SLC13A5: variants seen among roughly 807,000 people sequenced by gnomAD.
The protein encoded by SLC13A5 is solute carrier family 13 member 5.
In SLC13A5, 25 loss-of-function variants were observed where a neutral mutation model predicts 56.5. The observed-to-expected ratio is 0.44, with a 90% CI of 0.32 to 0.62. The LOEUF is 0.62. Among genes scored for constraint, SLC13A5 ranks in the 20% least tolerant of loss-of-function variants. The probability of loss-of-function intolerance (pLI) is 0.04; values close to 1 mark genes in which losing one functional copy is unlikely to be tolerated. For missense variants in SLC13A5, 649 were observed against 737.8 expected, an observed-to-expected ratio of 0.88 and a Z score of 1.39; for synonymous variants, 307 against 301.5, an observed-to-expected ratio of 1.02 and a Z score of -0.19.
At position 6,707,087 on chromosome 17, in the gene SLC13A5, C is replaced by T; in HGVS notation, c.172G>A (p.Val58Ile). 1 of 1,614,144 alleles carries T rather than the reference C, an allele frequency of 6.2e-7. No individual in the cohort carries two copies. The highest frequency in any genetic ancestry group is 8.5e-7 in the Non-Finnish European group (1 of 1,180,034). ...YWCTEVIPLA[V>I]TSLMPVLLFP... ...AGCAAGACAGGCATGAGAGAGGTGA[C>T]AGCCAGAGGGATGACTTCTGTGCAC... The change falls in exon 2 of 12, where the codon GTC becomes ATC. Residue 58 changes from valine (V) to isoleucine (I), a missense_variant. Physicochemically the swap from Val to Ile is conservative, Grantham distance 29. Coordinates refer to ENST00000433363, the MANE Select transcript of SLC13A5 (RefSeq NM_177550.5).
intron 5 of SLC13A5, among the ~76,000 whole-genome samples, chr17:6,702,190 GATGGC>G (rs1973732904): frequency 6.6e-6 from 1 of 152,110 alleles, no homozygotes; most frequent in South Asian, 2.1e-4. Flanking sequence ...GTCTGCAAAG[GATGGC>G]ATCACCTTAT....
chr17:6,702,799 G>T (rs1264766925), intron 5 of SLC13A5, among the ~76,000 whole-genome samples, 171 bp downstream of exon 5: 1 of 152,154 alleles, frequency 6.6e-6, no homozygotes, highest in Admixed American at 6.5e-5. Flanking sequence ...GGGGTGCCAG[G>T]ACACAGAGGC....
intron 11 of SLC13A5, 123 bp from the exon 12 acceptor site, chr17:6,686,461 G>A (rs1013076018): frequency 1.4e-5 from 18 of 1,291,694 alleles, no homozygotes; most frequent in South Asian, 1.4e-5. Context: ...CCTGGCTGGG[G>A]TGTCCCGACC....
chr17:6,686,283 A>G lies in SLC13A5; in HGVS notation c.1631T>C (p.Val544Ala), dbSNP rs763183073. The G allele has an allele frequency of 4.3e-6, 7 of 1,614,108 alleles. No individual in the cohort carries two copies. In the South Asian group the frequency reaches 6.6e-5, roughly 15 times the overall value. ...AAATATGGCCCGTCCCCAGGTGTTG[A>G]CAGCCAAAAACACACAGAAGACTCC... The part of the protein sequence containing the change: ...IIGVFCVFLA[V>A]NTWGRAIFDL... Residue 544 changes from valine to alanine, a missense_variant, in exon 12 of 12, where the codon GTC (valine) becomes GCC (alanine). Coordinates refer to ENST00000433363, the MANE Select transcript of SLC13A5 (RefSeq NM_177550.5).
In SLC13A5 at chr17:6,703,990, C is replaced by T. The variant is rs560631853; in HGVS notation, c.435G>A (p.Thr145=). ...CCTCCACGATGGGCACCATCATGGC[C>T]GTGGTTGCCGTGTTACTGATCCACA... ...LSMWISNTAT[T]AMMVPIVEAI... Residue 145 remains threonine (T), a synonymous_variant, in exon 4 of 12, where the codon ACG becomes ACA. Transcript: ENST00000433363. 6.8e-6 allele frequency: 11 copies of T among 1,613,170 alleles called. No individual in the cohort carries two copies. The highest frequency in any genetic ancestry group is 1.7e-4 in the Middle Eastern group (1 of 6,058).
chr17:6,710,764 G>C (rs952709422), intron 1 of SLC13A5, among the ~76,000 whole-genome samples: 8 of 148,346 alleles, frequency 5.4e-5, no homozygotes, highest in African/African-American at 2.0e-4. Context: ...AAAACCTACT[G>C]TGTGTGTGTG....
At chr17:6,708,841 AT>A (rs1973940758) in intron 1 of SLC13A5, among the ~76,000 whole-genome samples, 1 of 152,154 alleles carries the variant, frequency 6.6e-6, no homozygotes, top group Admixed American at 6.5e-5. Flanking sequence ...AGACACTCCA[AT>A]TCACCTAACG....
At chr17:6,700,264 G>A (rs1973674551) in intron 6 of SLC13A5, among the ~76,000 whole-genome samples, 1 of 152,212 alleles carries the variant, frequency 6.6e-6, no homozygotes, top group Non-Finnish European at 1.5e-5. Flanking sequence ...TGCCATCAAA[G>A]GTGACCCCTG....
At chr17:6,710,904 C>A (rs537216369) in intron 1 of SLC13A5, among the ~76,000 whole-genome samples, 1 of 151,682 alleles carries the variant, frequency 6.6e-6, no homozygotes, top group Non-Finnish European at 1.5e-5. Flanking sequence ...AAAAAAGAAA[C>A]CTTTTACATT....
chr17:6,709,110 T>C (rs1291030240), intron 1 of SLC13A5, among the ~76,000 whole-genome samples: 12 of 151,462 alleles, frequency 7.9e-5, no homozygotes, highest in East Asian at 3.9e-4. Context: ...TCCTTTTTTT[T>C]CCCTCCCTCA....
chr17:6,713,020 C>T lies in SLC13A5; in HGVS notation c.102+212G>A, dbSNP rs1435639511. Among the ~76,000 whole-genome samples, 1 of 152,164 alleles carries T rather than the reference C, an allele frequency of 6.6e-6. No homozygotes were observed. Among genetic ancestry groups the T allele is most frequent in the African/African-American group, 2.4e-5 (1 of 41,436 alleles). On this transcript the variant is annotated intron_variant, in intron 1 of 11. Transcript: ENST00000433363. This position sits in a 1 kb window ranked among gnomAD's most constrained non-coding sequence, Gnocchi z 7.3. ...TCTTGCGCCCTGGGATCTGTAAACC[C>T]CAAGGGTGGTGCGCCCTGGGGTCGC... is the stretch of plus-strand genomic sequence containing the variant.
chr17:6,706,038 GTAGACACTCAA>G (rs1973855251), intron 3 of SLC13A5, among the ~76,000 whole-genome samples: 1 of 152,170 alleles, frequency 6.6e-6, no homozygotes, highest in Admixed American at 6.5e-5. Context: ...CTGGGGCCTT[GTAGACACTCAA>G]TATACCCATT....
rs763168543 is a variant in SLC13A5, at chr17:6,704,107, G to A, written c.369-51C>T. The A allele has an allele frequency of 8.5e-5, 132 of 1,561,842 alleles. 2 individuals carry two copies. Among genetic ancestry groups the A allele is most frequent in the South Asian group, 6.5e-4 (56 of 86,224 alleles). On this transcript the variant is annotated intron_variant, in intron 3 of 11. Transcript: ENST00000433363. ...GCCAGAGAATCCCCACCCCACCCCC[G>A]TACTCCCTGGGAAGCAACTGGGGAC...
In SLC13A5 at chr17:6,692,726, C is replaced by T. The variant is rs1345113038; in HGVS notation, c.1275+318G>A. 1 of 337,626 alleles carries T rather than the reference C, an allele frequency of 3.0e-6. No homozygotes were observed. The allele number at this position is 337,626 out of a possible 1,614,324, so 20.9% of individuals were successfully genotyped here. On this transcript the variant is annotated intron_variant, in intron 9 of 11. Transcript: ENST00000433363. The surrounding 1 kb of genome is among the most constrained non-coding windows in gnomAD (Gnocchi z 5.5). ...GACAAGGATTGGAAAGAAAGATTTC[C>T]CTCAGACAAATCAAAGCAGAGATTA...
chr17:6,699,483 T>G (rs1204974880), intron 6 of SLC13A5, among the ~76,000 whole-genome samples: 1 of 151,784 alleles, frequency 6.6e-6, no homozygotes, highest in East Asian at 1.9e-4. Context: ...CTTTTTTTTT[T>G]GTTTTGAGAC....
Position 6,706,698 on chromosome 17 carries a change from G to T in SLC13A5, c.312C>A (p.Asn104Lys), listed in dbSNP as rs750520927. 1.9e-6 allele frequency: 3 copies of T among 1,614,018 alleles called. No homozygotes were observed. Among genetic ancestry groups the T allele is most frequent in the Middle Eastern group, 1.6e-4 (1 of 6,062 alleles). Residue 104 changes from asparagine (N) to lysine (K), a missense_variant, in exon 3 of 12, where the codon AAC becomes AAA. By Grantham distance (94) the Asn-to-Lys change is moderately conservative. Transcript: ENST00000433363. ...TGCGCAGGGCGATCCTCTTGTGCAGGTTCCAGCGCTCCACAGCCACGGCCA... is the reference window on the plus strand; with the variant it reads ...TGCGCAGGGCGATCCTCTTGTGCAGTTTCCAGCGCTCCACAGCCACGGCCA... ...LIVAVAVERW[N>K]LHKRIALRTL... is the part of the protein sequence containing the mutation.
At chr17:6,696,466 C>T (rs2042487296) in intron 6 of SLC13A5, among the ~76,000 whole-genome samples, 1 of 151,986 alleles carries the variant, frequency 6.6e-6, no homozygotes, top group Non-Finnish European at 1.5e-5. Flanking sequence ...ATCCAGGAGA[C>T]CCTGGGGTTA....
At chr17:6,695,386 G>A in intron 7 of SLC13A5, 1 of 228,012 alleles carries the variant, frequency 4.4e-6, no homozygotes, top group South Asian at 6.4e-5. Context: ...TAAGCCAGTG[G>A]TGTCTTTCTT....
intron 8 of SLC13A5, among the ~76,000 whole-genome samples, 179 bp downstream of exon 8, chr17:6,693,918 A>T (rs1375019685): frequency 6.6e-6 from 1 of 152,268 alleles, no homozygotes; most frequent in Non-Finnish European, 1.5e-5. Context: ...AGCAAAAAAG[A>T]TATTTTGCAC....
Sources: gnomAD v4.1 joint callset for allele counts (sites outside exome capture counted in the v4.1 genomes callset) on GRCh38, gnomAD v4.1.1 for gene constraint, Gnocchi (gnomAD v3.1) non-coding constraint, MANE v1.5 for transcripts, NCBI Gene and HGNC (gene_info 2026-07-23, HGNC 2026-07-21) for gene names.